Variants in DYSF observed in about 807,000 individuals in gnomAD.
The protein encoded by DYSF is dystrophy-associated fer-1-like 1.
A neutral mutation model predicts 274.9 loss-of-function variants in DYSF; 212 were observed. The observed-to-expected ratio is 0.77, with a 90% confidence interval of 0.69 to 0.86. The LOEUF is 0.86. Ranked by LOEUF, DYSF falls within the 40% of genes least tolerant of loss-of-function variation. The pLI is 0.00. For missense variants in DYSF, 2,666 were observed against 2,783.2 expected (o/e 0.96, Z 0.95); for synonymous variants, 1,091 against 1,078.7 (o/e 1.01, Z -0.22).
rs187885229 is a variant in DYSF at position 71,487,298 on chromosome 2, T to G, written c.239+5328T>G. ...CTGTGTTGGACAGAGCAGCTTTAGA[T>G]TTTTGGAACAGTGTTTCCAACCTGG... On this transcript the variant is annotated intron_variant, in intron 3 of 55. Coordinates refer to ENST00000410020, the MANE Select transcript of DYSF (RefSeq NM_001130987.2). Among the ~76,000 whole-genome samples the G allele has an allele frequency of 2.3e-3, 344 of 152,292 alleles. 5 individuals carry two copies. Among genetic ancestry groups the G allele is most frequent in the African/African-American group, 8.0e-3 (333 of 41,540 alleles).
chr2:71,564,349 T>C (rs2091959715), intron 24 of DYSF, 136 bp downstream of exon 24: 2 of 1,266,494 alleles, frequency 1.6e-6, no homozygotes, highest in Non-Finnish European at 1.1e-6. Flanking sequence ...AAGAGGTCTT[T>C]GGGTAAAACA....
chr2:71,590,140 T>TC (rs1323589834), intron 31 of DYSF, 71 bp from the exon 32 acceptor site: 9 of 1,499,214 alleles, frequency 6.0e-6, no homozygotes, highest in African/African-American at 1.4e-5. Flanking sequence ...AGACTCCACC[T>TC]CCCCCCGAGC....
At chr2:71,474,009 C>T (rs111529888) in intron 1 of DYSF, among the ~76,000 whole-genome samples, 10,361 of 148,508 alleles carry the variant, frequency 0.07, 791 homozygotes, top group African/African-American at 0.2. Context: ...TCACCACAAC[C>T]TCTGCCTCCC....
intron 23 of DYSF, among the ~76,000 whole-genome samples, chr2:71,562,783 T>G (rs1391281656): frequency 6.6e-6 from 1 of 152,108 alleles, no homozygotes; most frequent in Non-Finnish European, 1.5e-5. Context: ...CAGCAGGGCC[T>G]ATAGGCACAG....
At chr2:71,570,172 C>T in intron 27 of DYSF, 57 bp from the exon 28 acceptor site, 2 of 1,500,786 alleles carry the variant, frequency 1.3e-6, no homozygotes, top group South Asian at 2.3e-5. Flanking sequence ...TTTTCTGCCT[C>T]CCTGCTCACA....
chr2:71,532,515 G>A (rs1242038476), intron 14 of DYSF, among the ~76,000 whole-genome samples: 2 of 152,218 alleles, frequency 1.3e-5, no homozygotes, highest in African/African-American at 4.8e-5. Flanking sequence ...GATGGGGGAA[G>A]GCTGGCAGGG....
At chr2:71,574,504 G>A (rs2092634787) in intron 30 of DYSF, 133 bp downstream of exon 30, 2 of 1,126,562 alleles carry the variant, frequency 1.8e-6, no homozygotes, top group Non-Finnish European at 2.5e-6. Context: ...GGTCATCCTG[G>A]CGTCAGTACC....
chr2:71,547,574 G>T (rs1356849357), intron 17 of DYSF, among the ~76,000 whole-genome samples: 1 of 152,224 alleles, frequency 6.6e-6, no homozygotes, highest in Admixed American at 6.5e-5. Context: ...GGGAGGCGGA[G>T]GTTGCAGTGA....
intron 50 of DYSF, 104 bp from the exon 51 acceptor site, chr2:71,669,501 T>A (rs2095080921): frequency 2.1e-6 from 3 of 1,420,042 alleles, no homozygotes; most frequent in Non-Finnish European, 3.0e-6. Context: ...CTTTTTGCGA[T>A]AAGCTCATTT....
chr2:71,459,498 G>A (rs555497215), intron 1 of DYSF, among the ~76,000 whole-genome samples: 6 of 152,142 alleles, frequency 3.9e-5, no homozygotes, highest in Non-Finnish European at 8.8e-5. Context: ...GAGCTGAGGG[G>A]GGGACACCTG....
chr2:71,577,372 TAC>T (rs780781339), intron 30 of DYSF, among the ~76,000 whole-genome samples: 2 of 149,952 alleles, frequency 1.3e-5, no homozygotes, highest in Non-Finnish European at 3.0e-5. Context: ...AACGCACACA[TAC>T]ACACTCATAC....
intron 36 of DYSF, among the ~76,000 whole-genome samples, chr2:71,607,933 G>A (rs2093675435): frequency 6.6e-6 from 1 of 152,134 alleles, no homozygotes; most frequent in Non-Finnish European, 1.5e-5. Context: ...CTAGGAGAGG[G>A]CTAAGGAGCA....
chr2:71,530,879 C>T (rs2088617792), intron 14 of DYSF, among the ~76,000 whole-genome samples: 1 of 152,058 alleles, frequency 6.6e-6, no homozygotes, highest in South Asian at 2.1e-4. Context: ...TGTACCCACC[C>T]ACCCCAGCTG....
chr2:71,612,767 C>A lies in DYSF; in HGVS notation c.4348C>A (p.Pro1450Thr). 1.9e-6 allele frequency: 3 copies of A among 1,614,124 alleles called. No homozygotes were observed. The highest frequency in any genetic ancestry group is 2.5e-6 in the Non-Finnish European group (3 of 1,180,006). ...CTCCCTGGAGAGCTTCCTGTGTGAC[C>A]CCTACTCGGCGGAGAGTCCATCCCC... The part of the protein sequence containing the change: ...IRSLESFLCD[P>T]YSAESPSPQG... Residue 1450 changes from proline (P) to threonine (T), a missense_variant, in exon 39 of 56, where the codon CCC becomes ACC. This residue lies in a region of DYSF where 1,460 missense variants were observed against 1,502.1 expected (regional missense o/e 0.97). Transcript: ENST00000410020.
In DYSF at chr2:71,674,194, C is replaced by T. The variant is rs367697283; in HGVS notation, c.5785-3C>T. The T allele has an allele frequency of 3.1e-6, 5 of 1,613,780 alleles. No individual in the cohort carries two copies. In the African/African-American group the frequency reaches 6.7e-5, roughly 22 times the overall value. ...ATCCTTCTCTGTTCCTCTTCCGGGT[C>T]AGGATGCCTTCTGGAGGCTGGACAA... On this transcript the variant is annotated splice_region_variant and splice_polypyrimidine_tract_variant and intron_variant, in intron 51 of 55. Coordinates refer to ENST00000410020, the MANE Select transcript of DYSF (RefSeq NM_001130987.2).
At position 71,459,608 on chromosome 2, in the gene DYSF, C is replaced by T. The variant is rs539862025; in HGVS notation, c.88+5522C>T. Reference sequence around the variant, plus strand: ...GAGAAGCTGTAAATCCAGATTTATACGGAAAAGTCTTCTAATATTTAAGGT... The same window carrying T: ...GAGAAGCTGTAAATCCAGATTTATATGGAAAAGTCTTCTAATATTTAAGGT... On this transcript the variant is annotated intron_variant, in intron 1 of 54. Coordinates refer to the DYSF transcript ENST00000258104. Among the ~76,000 whole-genome samples, 13 of 152,150 alleles carry T rather than the reference C, an allele frequency of 8.5e-5. No homozygotes were observed. In the East Asian group the frequency reaches 1.2e-3, roughly 14 times the overall value.
At chr2:71,531,948 G>A (rs932757364) in intron 14 of DYSF, among the ~76,000 whole-genome samples, 2 of 152,134 alleles carry the variant, frequency 1.3e-5, no homozygotes, top group Non-Finnish European at 2.9e-5. Flanking sequence ...AGGCTGCCAG[G>A]AATTTAACCC....
chr2:71,527,040 C>T (rs1363964053), intron 13 of DYSF, among the ~76,000 whole-genome samples: 2 of 152,170 alleles, frequency 1.3e-5, no homozygotes, highest in African/African-American at 4.8e-5. Context: ...GGAGTTATAC[C>T]GAATATTCTA....
intron 42 of DYSF, among the ~76,000 whole-genome samples, chr2:71,652,670 C>A (rs757716024): frequency 8.5e-5 from 13 of 152,120 alleles, no homozygotes; most frequent in Non-Finnish European, 1.9e-4. Context: ...AACAAAAATT[C>A]CAAAGAAACA....
Sources: allele counts gnomAD v4.1 joint callset (sites outside exome capture counted in the v4.1 genomes callset), GRCh38; gene constraint gnomAD v4.1.1; regional missense constraint gnomAD v4.1.1; transcripts MANE v1.5; gene names NCBI Gene and HGNC (gene_info 2026-07-23, HGNC 2026-07-21).